The following SMYD3 variants were observed in gnomAD, a reference collection of about 807,000 sequenced individuals.
SMYD3 encodes the protein histone-lysine N-methyltransferase SMYD3.
Under a neutral mutation model 57.7 loss-of-function variants are expected in SMYD3, and 36 were observed. The ratio of observed to expected loss-of-function variants is 0.62; its 90% confidence interval spans 0.48 to 0.82. The LOEUF is 0.82. Ranked by LOEUF, SMYD3 falls within the 40% of genes least tolerant of loss-of-function variation. The pLI, the probability that SMYD3 is intolerant of heterozygous loss-of-function variation, is 0.00. For synonymous variants in SMYD3, 211 were observed against 195.0 expected, an observed-to-expected ratio of 1.08 and a Z score of -0.68; for missense variants, 515 against 538.8, an observed-to-expected ratio of 0.96 and a Z score of 0.44.
In SMYD3 at chr1:246,178,404, C is replaced by T. The variant is rs112413958; in HGVS notation, c.531+148797G>A. Among the ~76,000 whole-genome samples, 287 of 152,238 alleles carry T rather than the reference C, an allele frequency of 1.9e-3. 1 individual carries two copies. The highest frequency in any genetic ancestry group is 5.9e-3 in the African/African-American group (245 of 41,550). Reference sequence around the variant, plus strand: ...CAACACCATTTTAAATCTCCTAGACCGGGAGTCATTTACATACAGTTGAGA... The same window carrying T: ...CAACACCATTTTAAATCTCCTAGACTGGGAGTCATTTACATACAGTTGAGA... On this transcript the variant is annotated intron_variant, in intron 5 of 11. Transcript: ENST00000490107.
intron 10 of SMYD3, among the ~76,000 whole-genome samples, chr1:245,811,060 G>A (rs1236735879): frequency 1.3e-5 from 2 of 152,162 alleles, no homozygotes; most frequent in African/African-American, 4.8e-5. Flanking sequence ...CCTCTGAAAG[G>A]AGAGCTAGTC....
At chr1:246,326,305 C>A in intron 5 of SMYD3, 2 of 641,728 alleles carry the variant, frequency 3.1e-6, no homozygotes, top group East Asian at 2.9e-5. Context: ...TGTGAGAAAG[C>A]GAGGACAGCA....
chr1:245,813,792 T>A, intron 10 of SMYD3, among the ~76,000 whole-genome samples: 1 of 147,004 alleles, frequency 6.8e-6, no homozygotes, highest in East Asian at 2.0e-4. Flanking sequence ...GGCAAGATGT[T>A]GAGTTTAGAT....
intron 5 of SMYD3, among the ~76,000 whole-genome samples, chr1:245,932,131 C>T (rs2056759101): frequency 6.6e-6 from 1 of 152,088 alleles, no homozygotes; most frequent in African/African-American, 2.4e-5. Flanking sequence ...ATAATGAGAA[C>T]TTTAGTTGAA....
At chr1:246,221,558 G>GCCCCAAAGA (rs1282372136) in intron 5 of SMYD3, among the ~76,000 whole-genome samples, 1 of 152,146 alleles carries the variant, frequency 6.6e-6, no homozygotes, top group Non-Finnish European at 1.5e-5. Context: ...GTGGTTCCTG[G>GCCCCAAAGA]CATCTCCAAG....
chr1:246,474,078 G>A (rs930884239), intron 1 of SMYD3, among the ~76,000 whole-genome samples: 1 of 152,118 alleles, frequency 6.6e-6, no homozygotes, highest in South Asian at 2.1e-4. Context: ...CTTACTAATA[G>A]TTAACATCTA....
At chr1:246,072,163 ACT>A (rs2060463812) in intron 5 of SMYD3, among the ~76,000 whole-genome samples, 1 of 136,900 alleles carries the variant, frequency 7.3e-6, no homozygotes, top group African/African-American at 3.0e-5. Context: ...CACTGTGCTC[ACT>A]GTCTTTGCAT....
chr1:246,280,407 C>A (rs1780814), intron 5 of SMYD3, among the ~76,000 whole-genome samples: 2 of 152,070 alleles, frequency 1.3e-5, no homozygotes, highest in South Asian at 2.1e-4. Flanking sequence ...TGCTGCCATG[C>A]GACAGAAAAG....
intron 5 of SMYD3, chr1:245,953,270 T>C: frequency 1.0e-6 from 1 of 1,000,156 alleles, no homozygotes; most frequent in Non-Finnish European, 1.2e-6. Context: ...TTTGCTACAT[T>C]GGGAAACTTC....
chr1:245,884,118 AC>A (rs2052945724), intron 8 of SMYD3, among the ~76,000 whole-genome samples: 1 of 152,188 alleles, frequency 6.6e-6, no homozygotes, highest in Non-Finnish European at 1.5e-5. Context: ...CCTGTACAAA[AC>A]AAATGCCACC....
At chr1:245,862,117 C>T (rs2051582347) in intron 9 of SMYD3, among the ~76,000 whole-genome samples, 1 of 152,074 alleles carries the variant, frequency 6.6e-6, no homozygotes, top group Non-Finnish European at 1.5e-5. Flanking sequence ...TAGTATCTTC[C>T]ATCTCATCAT....
chr1:246,087,346 G>A (rs998791643), intron 5 of SMYD3, among the ~76,000 whole-genome samples: 53 of 152,250 alleles, frequency 3.5e-4, no homozygotes, highest in African/African-American at 1.2e-3. Flanking sequence ...AGCCAAGACC[G>A]TTGACTTCCT....
intron 10 of SMYD3, among the ~76,000 whole-genome samples, chr1:245,805,381 T>C (rs1225244047): frequency 1.3e-5 from 2 of 152,232 alleles, no homozygotes; most frequent in African/African-American, 4.8e-5. Flanking sequence ...TGTTATTAGA[T>C]GAAAGTTACT....
In SMYD3 at chr1:246,461,557, A is replaced by C. The variant is rs141175139; in HGVS notation, c.164+45497T>G. The stretch of plus-strand genomic sequence containing the variant: ...AAAAACATATACTTGCTACTTATCT[A>C]TTTGTTTTGCTAGAGAGAATTAGGT... On this transcript the variant is annotated intron_variant, in intron 1 of 11. Coordinates refer to ENST00000490107, the MANE Select transcript of SMYD3 (RefSeq NM_001167740.2). Among the ~76,000 whole-genome samples the C allele has an allele frequency of 1.2e-4, 19 of 152,048 alleles. No homozygotes were observed. The East Asian group carries it at 2.5e-3, about 20-fold the overall frequency.
chr1:245,768,216 T>C (rs1305431929), intron 10 of SMYD3, among the ~76,000 whole-genome samples: 2 of 152,140 alleles, frequency 1.3e-5, no homozygotes, highest in Non-Finnish European at 2.9e-5. Context: ...TTGGCCTAGA[T>C]TGGAAAAAAA....
At chr1:246,147,337 G>A (rs1403712555) in intron 5 of SMYD3, among the ~76,000 whole-genome samples, 1 of 152,152 alleles carries the variant, frequency 6.6e-6, no homozygotes, top group Non-Finnish European at 1.5e-5. Context: ...GTCCAGCCAG[G>A]GGAGCAGCCC....
At chr1:246,284,886 G>A (rs1375013438) in intron 5 of SMYD3, among the ~76,000 whole-genome samples, 1 of 151,762 alleles carries the variant, frequency 6.6e-6, no homozygotes, top group African/African-American at 2.4e-5. Flanking sequence ...TTATTTGCTG[G>A]ATTCAGGTTG....
intron 1 of SMYD3, among the ~76,000 whole-genome samples, chr1:246,362,171 A>G: frequency 6.6e-6 from 1 of 152,212 alleles, no homozygotes; most frequent in Middle Eastern, 3.2e-3. Flanking sequence ...TCTCCATATC[A>G]AATTCAAATC....
chr1:246,226,994 A>G (rs539277791), intron 5 of SMYD3, among the ~76,000 whole-genome samples: 385 of 151,874 alleles, frequency 2.5e-3, no homozygotes, highest in African/African-American at 8.5e-3. Context: ...TATTCTCCCT[A>G]ATTTTAATAT....
Sources: allele counts gnomAD v4.1 joint callset (sites outside exome capture counted in the v4.1 genomes callset), GRCh38; gene constraint gnomAD v4.1.1; transcripts MANE v1.5; gene names NCBI Gene and HGNC (gene_info 2026-07-23, HGNC 2026-07-21).